The following UBE2E2 variants were observed in gnomAD, a reference collection of about 807,000 sequenced individuals.
UBE2E2 encodes the protein ubiquitin conjugating enzyme E2 E2.
UBE2E2 carries 6 observed loss-of-function variants against 24.7 expected under a neutral mutation model. The ratio of observed to expected loss-of-function variants is 0.24; its 90% CI spans 0.13 to 0.48. UBE2E2 has a LOEUF of 0.48. Among genes scored for constraint, UBE2E2 ranks in the 20% least tolerant of loss-of-function variants. The pLI, the probability that UBE2E2 is intolerant of heterozygous loss-of-function variation, is 0.99. For missense variants in UBE2E2, 169 were observed against 245.0 expected (o/e 0.69, Z 2.07); for synonymous variants, 104 against 83.6 (o/e 1.24, Z -1.33).
At chr3:23,247,689 A>G (rs1029734602) in intron 3 of UBE2E2, among the ~76,000 whole-genome samples, 10 of 152,214 alleles carry the variant, frequency 6.6e-5, no homozygotes, top group African/African-American at 2.4e-4. Context: ...AGAATTCTTC[A>G]ACAAAGTACA....
intron 4 of UBE2E2, 145 bp from the exon 5 acceptor site, chr3:23,532,409 C>T: frequency 1.7e-6 from 1 of 593,318 alleles, no homozygotes; most frequent in Non-Finnish European, 2.6e-6. Flanking sequence ...TCTCATGTGC[C>T]CAAGAAAAAA....
intron 3 of UBE2E2, among the ~76,000 whole-genome samples, chr3:23,376,858 T>C (rs1028334679): frequency 6.6e-6 from 1 of 152,188 alleles, no homozygotes; most frequent in Non-Finnish European, 1.5e-5. Flanking sequence ...GCAACTCACA[T>C]ATGAGTTCTG....
At chr3:23,502,549 T>C (rs1463727711) in intron 4 of UBE2E2, among the ~76,000 whole-genome samples, 1 of 152,184 alleles carries the variant, frequency 6.6e-6, no homozygotes, top group Non-Finnish European at 1.5e-5. Context: ...AGATGCCCCT[T>C]CTTGTTGCAG....
chr3:23,225,668 T>G (rs1345746989), intron 3 of UBE2E2, among the ~76,000 whole-genome samples: 1 of 152,258 alleles, frequency 6.6e-6, no homozygotes, highest in Non-Finnish European at 1.5e-5. Context: ...TCTGTTCTTA[T>G]GTCAGTAACA....
intron 3 of UBE2E2, among the ~76,000 whole-genome samples, chr3:23,225,043 A>G (rs1696780875): frequency 1.3e-5 from 2 of 151,360 alleles, no homozygotes; most frequent in African/African-American, 4.9e-5. Flanking sequence ...ATTCTGATGG[A>G]TGATGGATGA....
chr3:23,291,643 A>T (rs987429416), intron 3 of UBE2E2, among the ~76,000 whole-genome samples: 1 of 150,158 alleles, frequency 6.7e-6, no homozygotes, highest in Non-Finnish European at 1.5e-5. Context: ...AAACAATGTA[A>T]TCAGGTTTTT....
In UBE2E2 at chr3:23,573,537, A is replaced by G. The variant is rs146069799; in HGVS notation, c.509-16197A>G. Among the ~76,000 whole-genome samples the G allele has an allele frequency of 2.7e-4, 41 of 152,348 alleles. No homozygotes were observed. The East Asian group carries it at 6.7e-3, about 25-fold the overall frequency. On this transcript the variant is annotated intron_variant, in intron 5 of 5. Coordinates refer to ENST00000396703, the MANE Select transcript of UBE2E2 (RefSeq NM_152653.4). ...TACTAAACAGCCAGTATTAAAATCA[A>G]TGAACAGCCTAAGGCAAAGCTGAAT...
intron 3 of UBE2E2, among the ~76,000 whole-genome samples, chr3:23,319,837 AAAAAAC>A (rs1694695592): frequency 6.6e-6 from 1 of 151,748 alleles, no homozygotes. Flanking sequence ...AACAAAAAAC[AAAAAAC>A]AAAAAAAAAC....
intron 4 of UBE2E2, among the ~76,000 whole-genome samples, chr3:23,505,166 G>A (rs925940888): frequency 6.6e-6 from 1 of 150,434 alleles, no homozygotes; most frequent in Non-Finnish European, 1.5e-5. Flanking sequence ...AGCAGTCTGC[G>A]CACTTTGGCC....
chr3:23,577,554 A>C (rs544023311), intron 5 of UBE2E2, among the ~76,000 whole-genome samples: 1 of 152,202 alleles, frequency 6.6e-6, no homozygotes, highest in Non-Finnish European at 1.5e-5. Flanking sequence ...CCATCTTCCT[A>C]ACATAAAATT....
rs57410713 is a variant in UBE2E2 at position 23,503,151 on chromosome 3, G to GT, written c.360+3421dup. On this transcript the variant is annotated intron_variant, in intron 4 of 5. Coordinates refer to ENST00000396703, the MANE Select transcript of UBE2E2 (RefSeq NM_152653.4). ...GGTAGAAGTTGCTTTGTTTTTTGGG[G>GT]TTTTTTTTTTGTCATTTGGTTGGTT... 7.7e-3 allele frequency among the ~76,000 whole-genome samples: 1,119 copies of GT among 145,618 alleles called. 6 individuals are homozygous for GT. Among genetic ancestry groups the GT allele is most frequent in the South Asian group, 9.8e-3 (45 of 4,580 alleles).
At chr3:23,214,461 G>C (rs1696419244) in intron 2 of UBE2E2, among the ~76,000 whole-genome samples, 1 of 151,816 alleles carries the variant, frequency 6.6e-6, no homozygotes, top group Non-Finnish European at 1.5e-5. Flanking sequence ...GTGTTGTGCA[G>C]GTTGGTCTCG....
intron 3 of UBE2E2, among the ~76,000 whole-genome samples, chr3:23,423,062 A>C (rs1043229008): frequency 4.6e-5 from 7 of 152,166 alleles, no homozygotes; most frequent in Non-Finnish European, 8.8e-5. Flanking sequence ...ATTGGTTTAC[A>C]GTTCTTGTTT....
intron 3 of UBE2E2, among the ~76,000 whole-genome samples, chr3:23,315,612 C>G (rs1694552208): frequency 2.0e-5 from 3 of 152,102 alleles, no homozygotes; most frequent in Admixed American, 6.5e-5. Flanking sequence ...GTCTCTGGTG[C>G]CTTATTTAGT....
At chr3:23,386,287 C>T (rs1559368936) in intron 3 of UBE2E2, among the ~76,000 whole-genome samples, 1 of 152,070 alleles carries the variant, frequency 6.6e-6, no homozygotes, top group Non-Finnish European at 1.5e-5. Flanking sequence ...AGAACAGCAC[C>T]CTCTCCGTGG....
intron 3 of UBE2E2, among the ~76,000 whole-genome samples, chr3:23,261,112 A>T (rs1336534672): frequency 6.6e-6 from 1 of 152,128 alleles, no homozygotes; most frequent in Non-Finnish European, 1.5e-5. Flanking sequence ...CAAAAAAATT[A>T]AAAAGGAAAA....
At chr3:23,259,745 C>A (rs1284911158) in intron 3 of UBE2E2, among the ~76,000 whole-genome samples, 1 of 152,086 alleles carries the variant, frequency 6.6e-6, no homozygotes, top group Admixed American at 6.6e-5. Flanking sequence ...TTGATGGGGC[C>A]CTAACCATGA....
Position 23,499,714 on chromosome 3 carries a change from C to T in UBE2E2, c.334C>T (p.Pro112Ser), listed in dbSNP as rs147600499. The change falls in exon 4 of 6, where the codon CCA (proline) becomes TCA (serine). Residue 112 changes from proline to serine, a missense_variant. By Grantham distance (74) the Pro-to-Ser change is moderately conservative. Coordinates refer to ENST00000396703, the MANE Select transcript of UBE2E2 (RefSeq NM_152653.4). ...GVFFLDITFS[P>S]DYPFKPPKVT... ...GTTCTTTCTTGACATTACCTTTTCA[C>T]CAGACTATCCGTTTAAACCCCCTAA... 5.0e-6 allele frequency: 8 copies of T among 1,613,744 alleles called. No homozygotes were observed. Among genetic ancestry groups the T allele is most frequent in the Non-Finnish European group, 6.8e-6 (8 of 1,179,910 alleles).
chr3:23,250,228 C>T (rs1294815235), intron 3 of UBE2E2, among the ~76,000 whole-genome samples: 1 of 152,164 alleles, frequency 6.6e-6, no homozygotes, highest in Non-Finnish European at 1.5e-5. Context: ...TGATTCAGAT[C>T]AAACCACCTG....
Sources: allele counts gnomAD v4.1 joint callset (sites outside exome capture counted in the v4.1 genomes callset), GRCh38; gene constraint gnomAD v4.1.1; transcripts MANE v1.5; gene names NCBI Gene and HGNC (gene_info 2026-07-23, HGNC 2026-07-21).